CLSTN2: variants seen among roughly 807,000 people sequenced by gnomAD.
CLSTN2 encodes calsyntenin 2, also known as calsyntenin-2.
A neutral mutation model predicts 101.2 loss-of-function variants in CLSTN2; 48 were observed. The observed-to-expected ratio is 0.47, with a 90% CI of 0.38 to 0.60. The LOEUF (loss-of-function observed/expected upper bound fraction) is 0.60. Ranked by LOEUF, CLSTN2 falls within the 20% of genes least tolerant of loss-of-function variation. The pLI, the probability that CLSTN2 is intolerant of heterozygous loss-of-function variation, is 0.00. For missense variants in CLSTN2, 1,160 were observed against 1,238.2 expected (o/e 0.94, Z 0.95); for synonymous variants, 481 against 463.6 (o/e 1.04, Z -0.48).
At chr3:140,421,555 C>T (rs928130849) in intron 5 of CLSTN2, among the ~76,000 whole-genome samples, 6 of 93,876 alleles carry the variant, frequency 6.4e-5, no homozygotes, top group Non-Finnish European at 1.1e-4. Flanking sequence ...GTAATTATCT[C>T]ACAGCATGTA....
intron 8 of CLSTN2, among the ~76,000 whole-genome samples, chr3:140,523,205 G>T (rs1015362593): frequency 6.6e-6 from 1 of 152,072 alleles, no homozygotes; most frequent in Non-Finnish European, 1.5e-5. Context: ...CTTACTCCCT[G>T]CATCCCTCGG....
intron 8 of CLSTN2, chr3:140,506,680 T>C (rs566799650): frequency 6.6e-5 from 10 of 152,192 alleles, no homozygotes; most frequent in Non-Finnish European, 1.2e-4. Context: ...GAAGTGGATG[T>C]GGTTCTTATC....
At position 140,000,565 on chromosome 3, in the gene CLSTN2, G is replaced by A. The variant is rs560936376; in HGVS notation, c.109+65082G>A. Among the ~76,000 whole-genome samples, 5 of 152,282 alleles carry A rather than the reference G, an allele frequency of 3.3e-5. No individual in the cohort carries two copies. The South Asian group carries it at 8.3e-4, about 25-fold the overall frequency. On this transcript the variant is annotated intron_variant, in intron 1 of 16. Transcript: ENST00000458420. ...TACCCAAATGGAGAAGGTTAGATGA[G>A]GACTTAACAAAGTGTCAGGACCCAG...
intron 2 of CLSTN2, among the ~76,000 whole-genome samples, chr3:140,198,742 C>A (rs1378599077): frequency 6.6e-6 from 1 of 152,206 alleles, no homozygotes; most frequent in Non-Finnish European, 1.5e-5. Context: ...GGTACTTAAT[C>A]TAACCATTTA....
At chr3:140,352,717 C>T (rs965114419) in intron 2 of CLSTN2, among the ~76,000 whole-genome samples, 2 of 152,174 alleles carry the variant, frequency 1.3e-5, no homozygotes, top group Admixed American at 6.5e-5. Flanking sequence ...GAGCTGCTCT[C>T]TAAAATGATA....
At chr3:140,513,839 CA>C (rs1217781564) in intron 8 of CLSTN2, among the ~76,000 whole-genome samples, 1 of 151,760 alleles carries the variant, frequency 6.6e-6, no homozygotes, top group Non-Finnish European at 1.5e-5. Context: ...TTCAGGGATT[CA>C]ATTTCTTCCT....
chr3:140,185,609 G>A (rs900208275), intron 2 of CLSTN2, among the ~76,000 whole-genome samples: 1 of 152,094 alleles, frequency 6.6e-6, no homozygotes, highest in Non-Finnish European at 1.5e-5. Context: ...CTTGCTAGCT[G>A]GATTGAAAAG....
At chr3:140,537,167 G>A (rs1431294217) in intron 9 of CLSTN2, among the ~76,000 whole-genome samples, 1 of 152,124 alleles carries the variant, frequency 6.6e-6, no homozygotes, top group African/African-American at 2.4e-5. Context: ...GTTGGCAAGG[G>A]AACTAGCTCC....
chr3:140,523,751 A>C (rs1384383920), intron 8 of CLSTN2, among the ~76,000 whole-genome samples: 1 of 152,186 alleles, frequency 6.6e-6, no homozygotes, highest in African/African-American at 2.4e-5. Context: ...CATTACCCAA[A>C]GACTTGGCCT....
intron 1 of CLSTN2, among the ~76,000 whole-genome samples, chr3:140,038,535 T>TTTA: frequency 1.3e-5 from 2 of 152,298 alleles, no homozygotes; most frequent in East Asian, 3.9e-4. Flanking sequence ...GTGCAGACGC[T>TTTA]GTTTAGTTTA....
intron 1 of CLSTN2, among the ~76,000 whole-genome samples, chr3:140,065,246 G>A (rs574296851): frequency 2.0e-5 from 3 of 152,300 alleles, no homozygotes; most frequent in East Asian, 1.9e-4. Flanking sequence ...CAGGTGAGCC[G>A]AAGGTCTGGG....
intron 2 of CLSTN2, among the ~76,000 whole-genome samples, chr3:140,176,416 C>T (rs749830501): frequency 1.1e-4 from 16 of 152,094 alleles, no homozygotes; most frequent in Non-Finnish European, 1.8e-4. Flanking sequence ...GACCTATTGG[C>T]CGACTACCCA....
In CLSTN2 at chr3:140,575,437, A is replaced by G. The variant is rs1985702805; in HGVS notation, c.*9184A>G. On this transcript the variant is annotated 3_prime_UTR_variant, in exon 17 of 17. Coordinates refer to ENST00000458420, the MANE Select transcript of CLSTN2 (RefSeq NM_022131.3). The stretch of plus-strand genomic sequence containing the variant: ...AGAGGCAGTCAAATCAATTGCTTCC[A>G]AAGTCAGAGCTGTTTGAAGGTGATC... The G allele has an allele frequency of 6.6e-6, 1 of 152,238 alleles. No individual in the cohort carries two copies. Among genetic ancestry groups the G allele is most frequent in the Non-Finnish European group, 1.5e-5 (1 of 68,048 alleles). 9.4% of individuals were successfully genotyped at this position (152,238 alleles called of 1,614,324 possible).
chr3:139,966,880 T>C (rs1171524838), intron 1 of CLSTN2, among the ~76,000 whole-genome samples: 1 of 152,150 alleles, frequency 6.6e-6, no homozygotes, highest in Non-Finnish European at 1.5e-5. Flanking sequence ...CCCAAGAATA[T>C]GGCTGCAGTA....
chr3:140,432,176 GTCTCAGA>G (rs1559868103), intron 5 of CLSTN2, among the ~76,000 whole-genome samples: 77 of 70,116 alleles, frequency 1.1e-3, no homozygotes, highest in Admixed American at 3.2e-3. Context: ...TCAGATTTCA[GTCTCAGA>G]TTTCAGTCTC....
At chr3:140,457,585 A>G (rs764106000) in intron 6 of CLSTN2, among the ~76,000 whole-genome samples, 2 of 152,220 alleles carry the variant, frequency 1.3e-5, no homozygotes, top group Non-Finnish European at 2.9e-5. Flanking sequence ...CATTTGTATA[A>G]ATTAGTTTAT....
chr3:139,988,036 GAT>G (rs1380883212), intron 1 of CLSTN2, among the ~76,000 whole-genome samples: 1 of 152,196 alleles, frequency 6.6e-6, no homozygotes, highest in African/African-American at 2.4e-5. Context: ...ACCAGCACTA[GAT>G]ATCTTCCAGC....
intron 1 of CLSTN2, among the ~76,000 whole-genome samples, chr3:139,969,327 G>C (rs1054691349): frequency 2.6e-5 from 4 of 152,104 alleles, no homozygotes; most frequent in African/African-American, 9.7e-5. Flanking sequence ...ACCCTGGGTG[G>C]GTACTTAATT....
At chr3:140,478,826 G>A (rs1209756856) in intron 8 of CLSTN2, among the ~76,000 whole-genome samples, 1 of 150,296 alleles carries the variant, frequency 6.7e-6, no homozygotes, top group Non-Finnish European at 1.5e-5. Flanking sequence ...AGGGAGGGAG[G>A]GATGGAAGAG....
Sources: allele counts gnomAD v4.1 joint callset (sites outside exome capture counted in the v4.1 genomes callset), GRCh38; gene constraint gnomAD v4.1.1; transcripts MANE v1.5; gene names NCBI Gene and HGNC (gene_info 2026-07-23, HGNC 2026-07-21).